Variants in LTA4H observed in about 807,000 individuals in gnomAD.
LTA4H encodes the protein leukotriene A4 hydrolase, also known as leukotriene A-4 hydrolase.
A neutral mutation model predicts 89.8 loss-of-function variants in LTA4H; 59 were observed. That is an observed-to-expected ratio of 0.66 (90% CI 0.53 to 0.82). The LOEUF is 0.82. LTA4H is among the 40% of genes least tolerant of loss of function. The pLI is 0.00. For synonymous variants in LTA4H, 227 were observed against 253.1 expected, an observed-to-expected ratio of 0.90 and a Z score of 0.98; for missense variants, 617 against 727.0, an observed-to-expected ratio of 0.85 and a Z score of 1.74.
intron 11 of LTA4H, 85 bp downstream of exon 11, chr12:96,015,498 C>T (rs955143635): frequency 6.4e-6 from 6 of 933,072 alleles, no homozygotes; most frequent in Admixed American, 6.1e-5. Flanking sequence ...TTGGTTGCTA[C>T]ACAGTAAAGA....
chr12:96,031,096 G>A (rs1950566452), intron 1 of LTA4H, among the ~76,000 whole-genome samples: 1 of 152,166 alleles, frequency 6.6e-6, no homozygotes, highest in East Asian at 1.9e-4. Context: ...GTGTCATAGT[G>A]ACAACTATTT....
At position 96,015,563 on chromosome 12, in the gene LTA4H, TA is replaced by T. The variant is rs1352234871; in HGVS notation, c.1059+19del. The T allele has an allele frequency of 6.4e-7, 1 of 1,560,560 alleles. No individual in the cohort carries two copies. Reference sequence around the variant, plus strand: ...CTATACAACTTTGGATGAAGGTTTTTAAAACTTTGACTCCTTTACCGAATTC... The same window carrying T: ...CTATACAACTTTGGATGAAGGTTTTTAAACTTTGACTCCTTTACCGAATTC... On this transcript the variant is annotated intron_variant, in intron 11 of 18. Transcript: ENST00000228740.
chr12:96,035,305 G>C (rs1592902347), intron 1 of LTA4H, 56 bp downstream of exon 1: 8 of 1,547,776 alleles, frequency 5.2e-6, no homozygotes, highest in Non-Finnish European at 7.0e-6. Flanking sequence ...CAAGGACTAG[G>C]GTCGAGGGGC....
chr12:96,001,225 G>C (rs563736079), intron 18 of LTA4H, 119 bp from the exon 19 acceptor site: 1 of 672,848 alleles, frequency 1.5e-6, no homozygotes, highest in African/African-American at 1.8e-5. Flanking sequence ...AAAGGAAGGA[G>C]AAAGAGAATA....
At chr12:96,021,461 A>G (rs992057244) in intron 5 of LTA4H, among the ~76,000 whole-genome samples, 7 of 152,124 alleles carry the variant, frequency 4.6e-5, no homozygotes, top group Middle Eastern at 3.2e-3. Flanking sequence ...CAGGAAGCGC[A>G]TTTCCCATAT....
intron 11 of LTA4H, 148 bp downstream of exon 11, chr12:96,015,433 AAC>A: frequency 1.6e-6 from 1 of 628,548 alleles, no homozygotes. Context: ...AGTGTGGATC[AAC>A]ACAGTGTTAT....
At chr12:96,015,794 G>T in intron 10 of LTA4H, 100 bp from the exon 11 acceptor site, 1 of 788,060 alleles carries the variant, frequency 1.3e-6, no homozygotes, top group Non-Finnish European at 2.1e-6. Context: ...GAGGAAAGCA[G>T]TTGTAAGGCA....
chr12:96,015,492 T>C, intron 11 of LTA4H, 91 bp downstream of exon 11: 1 of 868,042 alleles, frequency 1.2e-6, no homozygotes, highest in Non-Finnish European at 1.9e-6. Context: ...GACTTTTTGG[T>C]TGCTACACAG....
intron 1 of LTA4H, among the ~76,000 whole-genome samples, chr12:96,043,027 C>T (rs1197979672): frequency 1.3e-5 from 2 of 152,200 alleles, no homozygotes; most frequent in East Asian, 3.8e-4. Context: ...TTCATTCTTC[C>T]CCCAAAGCAC....
intron 6 of LTA4H, among the ~76,000 whole-genome samples, chr12:96,019,759 T>A (rs1241184132): frequency 6.6e-6 from 1 of 151,560 alleles, no homozygotes; most frequent in Admixed American, 6.6e-5. Context: ...GCCCAGCTAA[T>A]TTTTTCTTTT....
chr12:96,024,413 C>T (rs1950489025), intron 4 of LTA4H, 66 bp downstream of exon 4: 2 of 923,494 alleles, frequency 2.2e-6, no homozygotes, highest in South Asian at 2.9e-5. Context: ...ATCATCTCTG[C>T]TTATCATTTA....
At chr12:96,007,107 T>C (rs1400457072) in intron 15 of LTA4H, among the ~76,000 whole-genome samples, 1 of 152,206 alleles carries the variant, frequency 6.6e-6, no homozygotes, top group Non-Finnish European at 1.5e-5. Context: ...TTGGATCTGC[T>C]CCCTGTCTCC....
At chr12:96,036,769 T>C (rs892032943), upstream of LTA4H, among the ~76,000 whole-genome samples, 3 of 152,220 alleles carry the variant, frequency 2.0e-5, no homozygotes, top group African/African-American at 7.2e-5. Flanking sequence ...GTACTTGCAT[T>C]GCTATAAATA....
In LTA4H at chr12:96,000,919, GAA is replaced by G. The variant is rs1272425202; in HGVS notation, c.*68_*69del. 1.8e-6 allele frequency: 2 copies of G among 1,104,404 alleles called. No homozygotes were observed. The highest frequency in any genetic ancestry group is 1.8e-5 in the Admixed American group (1 of 55,006). The allele number at this position is 1,104,404 out of a possible 1,614,324, so 68.4% of individuals were successfully genotyped here. A position where few individuals can be genotyped will look rare whatever the true frequency, so the allele number is the denominator to read the frequency against. On this transcript the variant is annotated 3_prime_UTR_variant, in exon 19 of 19. Coordinates refer to ENST00000228740, the MANE Select transcript of LTA4H (RefSeq NM_000895.3). ...AAAAAGACAGTTTTAATTGTGAGCT[GAA>G]GTTTTATATTTCTTTACGAATTCCA...
chr12:96,029,090 C>T lies in LTA4H; in HGVS notation c.255G>A (p.Ser85=), dbSNP rs111742986. The part of the protein sequence containing the change: ...ALGERQSYKG[S]PMEISLPIAL... ...CGATAGGAAGAGAGATTTCCATTGG[C>T]GATCCCTTGTAACTTTGTCTTTCTC... Residue 85 remains serine, a synonymous_variant, in exon 2 of 19, where the codon TCG becomes TCA. Transcript: ENST00000228740. 5.7e-6 allele frequency: 9 copies of T among 1,588,656 alleles called. No homozygotes were observed. Among genetic ancestry groups the T allele is most frequent in the African/African-American group, 2.7e-5 (2 of 73,964 alleles).
chr12:96,032,251 C>T (rs1175314034), intron 1 of LTA4H, among the ~76,000 whole-genome samples: 2 of 152,222 alleles, frequency 1.3e-5, no homozygotes, highest in Admixed American at 6.5e-5. Context: ...AGAATTTGTC[C>T]GATTAAGTCT....
In LTA4H at chr12:96,008,208, A is replaced by T. The variant is rs993603920; in HGVS notation, c.1434+886T>A. Among the ~76,000 whole-genome samples, 9 of 152,286 alleles carry T rather than the reference A, an allele frequency of 5.9e-5. No individual in the cohort carries two copies. The East Asian group carries it at 1.5e-3, about 26-fold the overall frequency. On this transcript the variant is annotated intron_variant, in intron 15 of 18. Coordinates refer to ENST00000228740, the MANE Select transcript of LTA4H (RefSeq NM_000895.3). ...CTGAACTTAAAAGTTGAAATTACGTAAAAAAATGATAAATCTGTTGCAAAT... is the reference window on the plus strand; with the variant it reads ...CTGAACTTAAAAGTTGAAATTACGTTAAAAAATGATAAATCTGTTGCAAAT...
In LTA4H at chr12:96,019,177, C is replaced by T; in HGVS notation, c.702G>A (p.Glu234=). 6.2e-7 allele frequency: 1 copy of T among 1,612,070 alleles called. No homozygotes were observed. Among genetic ancestry groups the T allele is most frequent in the Non-Finnish European group, 8.5e-7 (1 of 1,179,342 alleles). The change falls in exon 7 of 19, where the codon GAG becomes GAA. Residue 234 remains glutamate (E), a synonymous_variant. Transcript: ENST00000228740. ...TAACTAAATGACCAACCTCAGAAAACTCATAAGCAGACTTTTCCACCTGCT... is the reference window on the plus strand; with the variant it reads ...TAACTAAATGACCAACCTCAGAAAATTCATAAGCAGACTTTTCCACCTGCT... ...EKEQVEKSAY[E]FSETESMLKI... is the part of the protein sequence containing the mutation.
intron 3 of LTA4H, among the ~76,000 whole-genome samples, chr12:96,025,796 C>T (rs1032510311): frequency 6.7e-6 from 1 of 148,902 alleles, no homozygotes; most frequent in Non-Finnish European, 1.5e-5. Context: ...CATTGCACTA[C>T]AGCCTGGGCA....
Sources: gnomAD v4.1 joint callset for allele counts (sites outside exome capture counted in the v4.1 genomes callset) on GRCh38, gnomAD v4.1.1 for gene constraint, MANE v1.5 for transcripts, NCBI Gene and HGNC (gene_info 2026-07-23, HGNC 2026-07-21) for gene names.